The following EVI5 variants were observed in gnomAD, a reference collection of about 807,000 sequenced individuals.
EVI5 encodes the protein ecotropic viral integration site 5 protein homolog.
A neutral mutation model predicts 112.0 loss-of-function variants in EVI5; 73 were observed. The ratio of observed to expected loss-of-function variants is 0.65; its 90% CI spans 0.54 to 0.79. The LOEUF (loss-of-function observed/expected upper bound fraction) is 0.79, where lower values mean the gene tolerates loss of function less well. Among genes scored for constraint, EVI5 ranks in the 30% least tolerant of loss-of-function variants. The probability of loss-of-function intolerance (pLI) is 0.00; values close to 1 mark genes in which losing one functional copy is unlikely to be tolerated. For synonymous variants in EVI5, 305 were observed against 319.9 expected (o/e 0.95, Z 0.50); for missense variants, 900 against 968.8 (o/e 0.93, Z 0.94).
At chr1:92,689,832 A>G (rs1669190777) in intron 9 of EVI5, among the ~76,000 whole-genome samples, 1 of 152,246 alleles carries the variant, frequency 6.6e-6, no homozygotes, top group Admixed American at 6.5e-5. Flanking sequence ...AATTTAAAAG[A>G]ACACCATTCC....
chr1:92,693,150 G>A (rs1363735964), intron 9 of EVI5, among the ~76,000 whole-genome samples: 3 of 151,792 alleles, frequency 2.0e-5, no homozygotes, highest in African/African-American at 4.8e-5. Context: ...CCAGGGGTTC[G>A]AGACCAGCCT....
chr1:92,524,594 C>CCTT (rs1557710257), intron 19 of EVI5, among the ~76,000 whole-genome samples: 3 of 152,118 alleles, frequency 2.0e-5, no homozygotes, highest in African/African-American at 7.2e-5. Context: ...ATCACTGAAG[C>CCTT]GCACCACCCA....
intron 9 of EVI5, among the ~76,000 whole-genome samples, chr1:92,684,073 G>T (rs535227728): frequency 6.6e-6 from 1 of 152,230 alleles, no homozygotes; most frequent in South Asian, 2.1e-4. Context: ...TACTCCTCGA[G>T]AAGAGCAATC....
At chr1:92,621,865 G>C (rs551129882) in intron 16 of EVI5, among the ~76,000 whole-genome samples, 3 of 152,266 alleles carry the variant, frequency 2.0e-5, no homozygotes, top group Non-Finnish European at 4.4e-5. Context: ...GCTCACGCCT[G>C]TAATCCCAGC....
chr1:92,551,406 G>T (rs1666917273), intron 19 of EVI5, among the ~76,000 whole-genome samples: 1 of 152,108 alleles, frequency 6.6e-6, no homozygotes, highest in Non-Finnish European at 1.5e-5. Flanking sequence ...TGGAAGAAAA[G>T]AATGGGAGTT....
chr1:92,671,431 C>T (rs756374995), intron 10 of EVI5, among the ~76,000 whole-genome samples: 2 of 152,194 alleles, frequency 1.3e-5, no homozygotes, highest in South Asian at 2.1e-4. Flanking sequence ...TCTATTTTAT[C>T]TACAATCCTT....
chr1:92,721,786 T>A (rs1158534878), intron 2 of EVI5, among the ~76,000 whole-genome samples: 3 of 152,204 alleles, frequency 2.0e-5, no homozygotes, highest in Non-Finnish European at 4.4e-5. Context: ...AAGCAATTCA[T>A]CTACAACCAC....
chr1:92,545,765 G>A (rs573749232), intron 19 of EVI5, among the ~76,000 whole-genome samples: 4 of 152,218 alleles, frequency 2.6e-5, no homozygotes, highest in African/African-American at 9.6e-5. Flanking sequence ...AGCAGTGCAA[G>A]TCTCTCTCTC....
At chr1:92,704,325 TA>T (rs1220612588) in intron 3 of EVI5, among the ~76,000 whole-genome samples, 1 of 152,130 alleles carries the variant, frequency 6.6e-6, no homozygotes, top group African/African-American at 2.4e-5. Context: ...TAATAATAAG[TA>T]AATAAAATAA....
chr1:92,729,113 G>A (rs142277119), intron 2 of EVI5, among the ~76,000 whole-genome samples: 59 of 152,294 alleles, frequency 3.9e-4, no homozygotes, highest in African/African-American at 1.3e-3. Context: ...GAATGCTGAG[G>A]CTGCTAAGAT....
At chr1:92,691,605 A>G (rs1669513678) in intron 9 of EVI5, among the ~76,000 whole-genome samples, 2 of 152,322 alleles carry the variant, frequency 1.3e-5, no homozygotes, top group Admixed American at 1.3e-4. Flanking sequence ...TGTTGCTTCT[A>G]AGTCAGAACT....
At chr1:92,682,736 G>A (rs923738025) in intron 9 of EVI5, among the ~76,000 whole-genome samples, 2 of 151,786 alleles carry the variant, frequency 1.3e-5, no homozygotes, top group South Asian at 2.1e-4. Flanking sequence ...GCAAGACTTC[G>A]TCTCAAAAAA....
chr1:92,735,673 ATAT>A (rs1451601062), intron 2 of EVI5, among the ~76,000 whole-genome samples: 1 of 17,914 alleles, frequency 5.6e-5, no homozygotes, highest in Non-Finnish European at 9.3e-5. Flanking sequence ...TCAACAAAAT[ATAT>A]TATATATAAC....
chr1:92,608,680 G>C (rs2101615673), intron 16 of EVI5, among the ~76,000 whole-genome samples: 1 of 150,652 alleles, frequency 6.6e-6, no homozygotes, highest in Non-Finnish European at 1.5e-5. Context: ...CTCTAGCCTG[G>C]GTGACAAGAA....
intron 1 of EVI5, chr1:92,756,946 C>A: frequency 3.2e-6 from 1 of 313,238 alleles, no homozygotes; most frequent in Non-Finnish European, 6.5e-6. Context: ...TTACTTCATG[C>A]TTTGAAAGGT....
intron 13 of EVI5, among the ~76,000 whole-genome samples, chr1:92,658,461 G>T (rs1032806173): frequency 1.3e-5 from 2 of 152,104 alleles, no homozygotes; most frequent in East Asian, 3.8e-4. Context: ...TCCAAATCTA[G>T]AAGTAAATTC....
At chr1:92,713,954 C>T (rs1013969556) in intron 2 of EVI5, 14 of 848,134 alleles carry the variant, frequency 1.7e-5, no homozygotes, top group Non-Finnish European at 2.0e-5. Context: ...AGCAACATTC[C>T]CCTCCTTAAT....
chr1:92,595,526 T>C (rs1169447422), intron 18 of EVI5, among the ~76,000 whole-genome samples: 37 of 152,268 alleles, frequency 2.4e-4, no homozygotes, highest in Admixed American at 2.4e-3. Context: ...GCAACAAACC[T>C]GCACGTTGTG....
chr1:92,559,114 A>T (rs902905441), intron 19 of EVI5, among the ~76,000 whole-genome samples: 2 of 152,216 alleles, frequency 1.3e-5, no homozygotes. Flanking sequence ...TCATCTCTAG[A>T]TAACTTATAA....
Sources: gnomAD v4.1 joint callset for allele counts (sites outside exome capture counted in the v4.1 genomes callset) on GRCh38, gnomAD v4.1.1 for gene constraint, MANE v1.5 for transcripts, NCBI Gene and HGNC (gene_info 2026-07-23, HGNC 2026-07-21) for gene names.